Variants in ARHGAP6 observed in about 807,000 individuals in gnomAD.
ARHGAP6 encodes rho GTPase-activating protein 6.
In ARHGAP6, 16 loss-of-function variants were observed where a neutral mutation model predicts 55.7. That is an observed-to-expected ratio of 0.29 (90% CI 0.19 to 0.44). ARHGAP6 has a LOEUF of 0.44. ARHGAP6 is among the 20% of genes least tolerant of loss of function. ARHGAP6 has a pLI of 1.00. For missense variants in ARHGAP6, 698 were observed against 808.9 expected, an observed-to-expected ratio of 0.86 and a Z score of 1.66; for synonymous variants, 382 against 360.9, an observed-to-expected ratio of 1.06 and a Z score of -0.66.
chrX:11,227,308 C>A (rs1453468424), intron 2 of ARHGAP6, among the ~76,000 whole-genome samples: 1 of 111,720 alleles, frequency 9.0e-6, no homozygotes, highest in Non-Finnish European at 1.9e-5. Context: ...ACATGTTACC[C>A]CTTAGGGTAG....
At chrX:11,326,764 T>C (rs1374886575) in intron 1 of ARHGAP6, among the ~76,000 whole-genome samples, 1 of 112,491 alleles carries the variant, frequency 8.9e-6, no homozygotes, top group Admixed American at 9.4e-5. Flanking sequence ...TAAAACTAAA[T>C]GATGGCACAG....
chrX:11,280,204 G>A (rs1202583109), intron 1 of ARHGAP6, among the ~76,000 whole-genome samples: 1 of 111,644 alleles, frequency 9.0e-6, no homozygotes, highest in African/African-American at 3.3e-5. Context: ...GACATTTTTT[G>A]GTAAGACATG....
intron 1 of ARHGAP6, among the ~76,000 whole-genome samples, chrX:11,290,088 T>C (rs2047969902): frequency 8.9e-6 from 1 of 112,124 alleles, no homozygotes; most frequent in African/African-American, 3.2e-5. Context: ...GTTAGGATAA[T>C]AGATTCTAGC....
At chrX:11,421,403 C>A (rs977557640) in intron 1 of ARHGAP6, among the ~76,000 whole-genome samples, 6 of 111,725 alleles carry the variant, frequency 5.4e-5, no homozygotes, top group Non-Finnish European at 1.1e-4. Context: ...ATGCCTGTGG[C>A]AACCCCTGCC....
In ARHGAP6 at chrX:11,138,932, T is replaced by C. The variant is rs2045581242; in HGVS notation, c.2856A>G (p.Arg952=). The part of the protein sequence containing the change: ...LGDAGWLDWQ[R]ERWQIWELLS... The stretch of plus-strand genomic sequence containing the variant: ...GGAGCTCCCAGATCTGCCAGCGCTC[T>C]CTCTGCCAGTCGAGCCAGCCAGCGT... Residue 952 remains arginine (R), a synonymous_variant, in exon 13 of 13, where the codon AGA becomes AGG. Transcript: ENST00000337414. 2.5e-6 allele frequency: 3 copies of C among 1,189,983 alleles called. No individual in the cohort carries two copies. The highest frequency in any genetic ancestry group is 3.4e-6 in the Non-Finnish European group (3 of 887,857).
At chrX:11,237,755 G>A (rs369166651) in intron 2 of ARHGAP6, among the ~76,000 whole-genome samples, 1 of 112,257 alleles carries the variant, frequency 8.9e-6, no homozygotes, top group East Asian at 2.8e-4. Flanking sequence ...TAGGCAATGA[G>A]GAGAGCTCAA....
intron 10 of ARHGAP6, chrX:11,148,656 C>T (rs1287206275): frequency 8.0e-6 from 3 of 373,134 alleles, no homozygotes; most frequent in African/African-American, 2.6e-5. Flanking sequence ...CAGGTCAGGG[C>T]GTAAACATGC....
At chrX:11,280,784 C>A (rs1708386439) in intron 1 of ARHGAP6, among the ~76,000 whole-genome samples, 1 of 107,165 alleles carries the variant, frequency 9.3e-6, no homozygotes, top group South Asian at 4.1e-4. Flanking sequence ...TTTTTCGGAG[C>A]AGTTCTGTGA....
At chrX:11,366,670 C>T (rs1335022510) in intron 1 of ARHGAP6, among the ~76,000 whole-genome samples, 1 of 111,937 alleles carries the variant, frequency 8.9e-6, no homozygotes, top group East Asian at 2.8e-4. Flanking sequence ...TCGAATGTTA[C>T]TAGAGTCATA....
chrX:11,441,597 G>A (rs1320526669), intron 1 of ARHGAP6, among the ~76,000 whole-genome samples: 1 of 111,560 alleles, frequency 9.0e-6, no homozygotes, highest in Admixed American at 9.5e-5. Context: ...AAGGAACAGG[G>A]AAGTTATTTC....
intron 1 of ARHGAP6, among the ~76,000 whole-genome samples, chrX:11,519,293 C>T (rs2147875421): frequency 9.1e-6 from 1 of 109,296 alleles, no homozygotes; most frequent in South Asian, 4.0e-4. Context: ...CTCCCCAGCA[C>T]CTGTTGTTTC....
At chrX:11,164,077 A>G (rs900879827) in intron 9 of ARHGAP6, among the ~76,000 whole-genome samples, 2 of 112,761 alleles carry the variant, frequency 1.8e-5, no homozygotes, top group African/African-American at 6.4e-5. Context: ...TGGCCTGAAC[A>G]TCAGGGGTGC....
intron 1 of ARHGAP6, among the ~76,000 whole-genome samples, chrX:11,552,932 T>TG (rs1255861976): frequency 9.1e-6 from 1 of 109,432 alleles, no homozygotes; most frequent in Non-Finnish European, 1.9e-5. Context: ...TTAATAACAG[T>TG]GTATTGTACA....
intron 1 of ARHGAP6, among the ~76,000 whole-genome samples, chrX:11,452,720 T>C (rs1400440299): frequency 1.8e-5 from 2 of 111,865 alleles, no homozygotes; most frequent in African/African-American, 6.5e-5. Context: ...TCACATACCA[T>C]GACAGCTAAT....
intron 1 of ARHGAP6, among the ~76,000 whole-genome samples, chrX:11,587,663 G>A (rs1388688403): frequency 8.9e-6 from 1 of 112,311 alleles, no homozygotes; most frequent in East Asian, 2.8e-4. Flanking sequence ...TTCACGAAAA[G>A]ATTGAGCTGT....
chrX:11,660,569 A>G, intron 1 of ARHGAP6, among the ~76,000 whole-genome samples: 1 of 84,607 alleles, frequency 1.2e-5, no homozygotes, highest in East Asian at 3.7e-4. Flanking sequence ...AAAAAAAAAA[A>G]AAAAAAAAAC....
At chrX:11,454,935 G>T (rs1249681472) in intron 1 of ARHGAP6, among the ~76,000 whole-genome samples, 2 of 111,969 alleles carry the variant, frequency 1.8e-5, no homozygotes, top group Admixed American at 1.9e-4. Context: ...AATAGGAGCT[G>T]TTTGGCTTTA....
intron 1 of ARHGAP6, among the ~76,000 whole-genome samples, chrX:11,559,724 A>G (rs1428253257): frequency 3.6e-5 from 4 of 109,898 alleles, no homozygotes; most frequent in Non-Finnish European, 7.6e-5. Flanking sequence ...TCAGGAGATC[A>G]AGACCATCCC....
intron 2 of ARHGAP6, among the ~76,000 whole-genome samples, chrX:11,206,951 T>C (rs2046712859): frequency 8.9e-6 from 1 of 112,044 alleles, no homozygotes; most frequent in East Asian, 2.8e-4. Flanking sequence ...ATAAACAGAA[T>C]GACATTTAAT....
Sources: allele counts gnomAD v4.1 joint callset (sites outside exome capture counted in the v4.1 genomes callset), GRCh38; gene constraint gnomAD v4.1.1; transcripts MANE v1.5; gene names NCBI Gene and HGNC (gene_info 2026-07-23, HGNC 2026-07-21).